The following TAF8 variants were observed in gnomAD, a reference collection of about 807,000 sequenced individuals.
The protein encoded by TAF8 is TATA-box binding protein associated factor 8, also known as transcription initiation factor TFIID subunit 8.
TAF8 carries 47 observed loss-of-function variants against 36.5 expected under a neutral mutation model. The ratio of observed to expected loss-of-function variants is 1.29; its 90% CI spans 1.02 to 1.64. TAF8 has a LOEUF of 1.64. Ranked by LOEUF, TAF8 falls within the 40% of genes most tolerant of loss-of-function variation. The pLI is 0.00. For missense variants in TAF8, 420 were observed against 407.6 expected, an observed-to-expected ratio of 1.03 and a Z score of -0.26; for synonymous variants, 175 against 159.5, an observed-to-expected ratio of 1.10 and a Z score of -0.73.
At chr6:42,086,918 G>C, downstream of TAF8, 1 of 716,688 alleles carries the variant, frequency 1.4e-6, no homozygotes, top group Non-Finnish European at 2.4e-6. Flanking sequence ...GACGGGCCAG[G>C]CGCAGCCATC....
intron 2 of TAF8, among the ~76,000 whole-genome samples, chr6:42,053,618 C>T (rs9471745): frequency 0.17 from 25,967 of 150,762 alleles, 2,676 homozygotes; most frequent in Admixed American, 0.29. Context: ...TAAGAATGTA[C>T]AATCACATAT....
chr6:42,063,653 T>C (rs1354169575), intron 5 of TAF8: 2 of 152,086 alleles, frequency 1.3e-5, no homozygotes, highest in African/African-American at 2.4e-5. Context: ...TGGGGACAGG[T>C]TTTTTGTCTT....
chr6:42,055,684 G>A, intron 3 of TAF8, 55 bp downstream of exon 3: 1 of 1,352,360 alleles, frequency 7.4e-7, no homozygotes, highest in East Asian at 2.3e-5. Context: ...GGAGTCCCTA[G>A]GAATCAGGCA....
chr6:42,078,809 G>T lies in TAF8; in HGVS notation c.*1264G>T. On this transcript the variant is annotated 3_prime_UTR_variant, in exon 9 of 9. Coordinates refer to ENST00000372977, the MANE Select transcript of TAF8 (RefSeq NM_138572.3). ...TCTATTATGCTGGGACTTGACAGAG[G>T]AGCCATGGGGTTTAAACAGTAGGAA... The T allele has an allele frequency of 1.0e-6, 1 of 985,388 alleles. No homozygotes were observed. The highest frequency in any genetic ancestry group is 1.2e-6 in the Non-Finnish European group (1 of 829,954). The allele number at this position is 985,388 out of a possible 1,614,324, so 61.0% of individuals were successfully genotyped here. A position where few individuals can be genotyped will look rare whatever the true frequency, so the allele number is the denominator to read the frequency against.
In TAF8 at chr6:42,082,026, C is replaced by G. The variant is rs756317948; in HGVS notation, c.*4481C>G. 6.6e-6 allele frequency: 1 copy of G among 152,224 alleles called. No homozygotes were observed. Among genetic ancestry groups the G allele is most frequent in the Admixed American group, 6.5e-5 (1 of 15,286 alleles). The allele number at this position is 152,224 out of a possible 1,614,324, so 9.4% of individuals were successfully genotyped here. A position where few individuals can be genotyped will look rare whatever the true frequency, so the allele number is the denominator to read the frequency against. ...CTGTGGTGCAATATCAAAACCCTTG[C>G]ATTCAGTTTCAGTGTACAATGTAGA... On this transcript the variant is annotated 3_prime_UTR_variant, in exon 9 of 9. Transcript: ENST00000372977.
In TAF8 at chr6:42,051,299, A is replaced by G. The variant is rs201585310; in HGVS notation, c.46-58A>G. The G allele has an allele frequency of 1.3e-3, 1,932 of 1,545,054 alleles. 4 individuals are homozygous for G. The highest frequency in any genetic ancestry group is 1.6e-3 in the Non-Finnish European group (1,767 of 1,127,252). ...TAACTTTGCTTGCCGTTGACCACGT[A>G]TGAACTATGTGATTGCATCCTTCTC... On this transcript the variant is annotated intron_variant, in intron 1 of 8. Coordinates refer to ENST00000372977, the MANE Select transcript of TAF8 (RefSeq NM_138572.3).
intron 7 of TAF8, among the ~76,000 whole-genome samples, chr6:42,068,864 A>T (rs1181363540): frequency 1.3e-5 from 2 of 152,194 alleles, no homozygotes; most frequent in East Asian, 3.8e-4. Flanking sequence ...AGCCAAATAA[A>T]CAAAATTCCC....
At position 42,077,587 on chromosome 6, in the gene TAF8, C is replaced by T; in HGVS notation, c.*42C>T. The T allele has an allele frequency of 6.2e-7, 1 of 1,609,228 alleles. No homozygotes were observed. The highest frequency in any genetic ancestry group is 8.5e-7 in the Non-Finnish European group (1 of 1,177,818). ...GGCTTGTACAGGGGCGCAGATTCCACCCTCCCGGGGAGTTAAAGCCACTCA... is the reference window on the plus strand; with the variant it reads ...GGCTTGTACAGGGGCGCAGATTCCATCCTCCCGGGGAGTTAAAGCCACTCA... On this transcript the variant is annotated 3_prime_UTR_variant, in exon 9 of 9. Transcript: ENST00000372977.
rs1016549129 is a variant in TAF8, at chr6:42,079,278, C to T, written c.*1733C>T. ...TGGGCAGGAGTGAGCCAAGCTGAGGCGTTCTGCAAGAAGCAGGTCTGAGTC... is the reference window on the plus strand; with the variant it reads ...TGGGCAGGAGTGAGCCAAGCTGAGGTGTTCTGCAAGAAGCAGGTCTGAGTC... On this transcript the variant is annotated 3_prime_UTR_variant, in exon 9 of 9. Transcript: ENST00000372977. The T allele has an allele frequency of 1.1e-5, 11 of 985,360 alleles. No homozygotes were observed. In the East Asian group the frequency reaches 3.4e-4, roughly 30 times the overall value. The allele number at this position is 985,360 out of a possible 1,614,324, so 61.0% of individuals were successfully genotyped here. A position where few individuals can be genotyped will look rare whatever the true frequency, so the allele number is the denominator to read the frequency against.
chr6:42,066,481 G>A (rs1301224042), intron 6 of TAF8, 22 bp downstream of exon 6: 1 of 1,612,930 alleles, frequency 6.2e-7, no homozygotes, highest in Non-Finnish European at 8.5e-7. Flanking sequence ...CCCACTGTGT[G>A]GACCCTGTCT....
chr6:42,086,857 A>G, downstream of TAF8: 1 of 1,142,588 alleles, frequency 8.8e-7, no homozygotes. Context: ...TGCTCCTTCC[A>G]GCCCTTGCTG....
chr6:42,070,213 G>A (rs911081669), intron 7 of TAF8, among the ~76,000 whole-genome samples: 13 of 152,138 alleles, frequency 8.5e-5, no homozygotes, highest in South Asian at 4.1e-4. Context: ...TAAAGGCCGG[G>A]CGCGGTGGCT....
At chr6:42,051,299 A>C (rs201585310) in intron 1 of TAF8, 58 bp from the exon 2 acceptor site, 31 of 1,544,950 alleles carry the variant, frequency 2.0e-5, no homozygotes, top group Admixed American at 8.9e-5. Context: ...TTGACCACGT[A>C]TGAACTATGT....
chr6:42,051,376 C>G lies in TAF8; in HGVS notation c.65C>G (p.Ser22Cys), dbSNP rs1226732787. 5 of 1,614,100 alleles carry G rather than the reference C, an allele frequency of 3.1e-6. No homozygotes were observed. In the Admixed American group the frequency reaches 8.3e-5, roughly 27 times the overall value. The change falls in exon 2 of 9, where the codon TCC becomes TGC. Residue 22 changes from serine to cysteine, a missense_variant. Coordinates refer to ENST00000372977, the MANE Select transcript of TAF8 (RefSeq NM_138572.3). ...TCACAGAGATCGGGAAGTAAACAGT[C>G]CACTAACCCTGCCGATAACTATCAT... ...GSGTRSGSKQ[S>C]TNPADNYHLA...
downstream of TAF8, among the ~76,000 whole-genome samples, chr6:42,085,451 C>G (rs1234351996): frequency 6.6e-6 from 1 of 152,146 alleles, no homozygotes; most frequent in African/African-American, 2.4e-5. Flanking sequence ...ATGTTAAAAT[C>G]CCCGAGGTGA....
intron 2 of TAF8, among the ~76,000 whole-genome samples, chr6:42,052,892 C>T (rs1030088328): frequency 1.3e-5 from 2 of 152,112 alleles, no homozygotes; most frequent in African/African-American, 2.4e-5. Flanking sequence ...CATTATTGCC[C>T]ATCAAGCTGA....
intron 3 of TAF8, 51 bp downstream of exon 3, chr6:42,055,680 C>T (rs1470729533): frequency 7.2e-7 from 1 of 1,393,464 alleles, no homozygotes; most frequent in Non-Finnish European, 1.0e-6. Flanking sequence ...GAGAGGAGTC[C>T]CTAGGAATCA....
rs1307636210 is a variant in TAF8 at position 42,066,170 on chromosome 6, G to A, written c.490-142G>A. 1.5e-5 allele frequency: 15 copies of A among 999,728 alleles called. No homozygotes were observed. In the East Asian group the frequency reaches 3.9e-4, roughly 26 times the overall value. The allele number at this position is 999,728 out of a possible 1,614,324, so 61.9% of individuals were successfully genotyped here. Reference sequence around the variant, plus strand: ...CCAGCCTTGGCCTCCCAAAGTGCTGGGATTACAGGTGTGAGCCACTGTGCC... The same window carrying A: ...CCAGCCTTGGCCTCCCAAAGTGCTGAGATTACAGGTGTGAGCCACTGTGCC... On this transcript the variant is annotated intron_variant, in intron 5 of 8. Coordinates refer to ENST00000372977, the MANE Select transcript of TAF8 (RefSeq NM_138572.3).
chr6:42,079,761 C>A lies in TAF8; in HGVS notation c.*2216C>A. On this transcript the variant is annotated 3_prime_UTR_variant, in exon 9 of 9. Coordinates refer to ENST00000372977, the MANE Select transcript of TAF8 (RefSeq NM_138572.3). Reference sequence around the variant, plus strand: ...TAGACACGGGATTTTGCTATGTTGCCCAGGCTGGTCTTGAACTCCTGGCCT... The same window carrying A: ...TAGACACGGGATTTTGCTATGTTGCACAGGCTGGTCTTGAACTCCTGGCCT... 1.3e-6 allele frequency: 1 copy of A among 763,256 alleles called. No individual in the cohort carries two copies. The highest frequency in any genetic ancestry group is 1.6e-6 in the Non-Finnish European group (1 of 627,580). 47.3% of individuals were successfully genotyped at this position (763,256 alleles called of 1,614,324 possible).
Sources: gnomAD v4.1 joint callset for allele counts (sites outside exome capture counted in the v4.1 genomes callset) on GRCh38, gnomAD v4.1.1 for gene constraint, MANE v1.5 for transcripts, NCBI Gene and HGNC (gene_info 2026-07-23, HGNC 2026-07-21) for gene names.